Variants in TTYH1 observed in about 807,000 individuals in gnomAD.
TTYH1 encodes tweety family member 1.
TTYH1 carries 33 observed loss-of-function variants against 61.2 expected under a neutral mutation model. That is an observed-to-expected ratio of 0.54 (90% CI 0.41 to 0.72). TTYH1 has a LOEUF of 0.72. Among genes scored for constraint, TTYH1 ranks in the 30% least tolerant of loss-of-function variants. TTYH1 has a pLI of 0.00. For synonymous variants in TTYH1, 308 were observed against 266.4 expected (o/e 1.16, Z -1.52); for missense variants, 538 against 575.8 (o/e 0.93, Z 0.67).
chr19:54,428,085 T>TG (rs1713219059), intron 5 of TTYH1, among the ~76,000 whole-genome samples: 1 of 135,684 alleles, frequency 7.4e-6, no homozygotes, highest in East Asian at 2.2e-4. Context: ...CTAAGTTTTT[T>TG]TTTTTTTTTT....
At chr19:54,417,685 A>C (rs1361962047) in intron 1 of TTYH1, among the ~76,000 whole-genome samples, 6 of 145,010 alleles carry the variant, frequency 4.1e-5, no homozygotes, top group Non-Finnish European at 9.1e-5. Context: ...TTATACTCCC[A>C]TACACACACA....
chr19:54,420,754 G>A lies in TTYH1; in HGVS notation c.306-523G>A, dbSNP rs1460237173. On this transcript the variant is annotated intron_variant, in intron 2 of 13. Coordinates refer to ENST00000376530, the MANE Select transcript of TTYH1 (RefSeq NM_020659.4). The surrounding 1 kb of genome is among the most constrained non-coding windows in gnomAD (Gnocchi z 4.8). ...GAGCTCCAGGCTCAGCGTCCCCCCA[G>A]GAGATGGTGGCAGCTGCCCCCCTTG... 5.9e-6 allele frequency: 1 copy of A among 170,562 alleles called. No individual in the cohort carries two copies. The highest frequency in any genetic ancestry group is 2.4e-5 in the African/African-American group (1 of 41,520). 10.6% of individuals were successfully genotyped at this position (170,562 alleles called of 1,614,324 possible).
Position 54,416,691 on chromosome 19 carries a change from T to C in TTYH1, c.126+1013T>C. ...GGATGAGTGCTGTGTTCTGAGCTAT[T>C]TGGGTCACGGCTGGCACAGCCCTGA... On this transcript the variant is annotated intron_variant, in intron 1 of 13. Transcript: ENST00000376530. This position sits in a 1 kb window ranked among gnomAD's most constrained non-coding sequence, Gnocchi z 7.0. The C allele has an allele frequency of 8.1e-7, 1 of 1,230,752 alleles. No homozygotes were observed. Among genetic ancestry groups the C allele is most frequent in the Non-Finnish European group, 1.1e-6 (1 of 941,128 alleles). 76.2% of individuals were successfully genotyped at this position (1,230,752 alleles called of 1,614,324 possible). A position where few individuals can be genotyped will look rare whatever the true frequency, so the allele number is the denominator to read the frequency against.
At position 54,419,215 on chromosome 19, in the gene TTYH1, T is replaced by C; in HGVS notation, c.214T>C (p.Cys72Arg). Residue 72 changes from cysteine to arginine, a missense_variant, in exon 2 of 14, where the codon TGC becomes CGC. Coordinates refer to ENST00000376530, the MANE Select transcript of TTYH1 (RefSeq NM_020659.4). This position sits in a 1 kb window ranked among gnomAD's most constrained non-coding sequence, Gnocchi z 6.1. ...TGTCTACCTCATCCGCTTCTGCTGC[T>C]GCCGGCCCCCCGAGCCCCCCGGGTC... ...IAVYLIRFCC[C>R]RPPEPPGSKI... 1 of 1,611,336 alleles carries C rather than the reference T, an allele frequency of 6.2e-7. No individual in the cohort carries two copies. The highest frequency in any genetic ancestry group is 8.5e-7 in the Non-Finnish European group (1 of 1,179,974).
In TTYH1 at chr19:54,436,453, C is replaced by G; in HGVS notation, c.*163C>G. ...CCTCCCTGCTCTTGGCCACTGTGCT[C>G]CCATTTCTGTCCTTGGCCTTGGGAG... On this transcript the variant is annotated 3_prime_UTR_variant, in exon 14 of 14. Transcript: ENST00000376530. The surrounding 1 kb of genome is among the most constrained non-coding windows in gnomAD (Gnocchi z 4.3). 1 of 1,502,148 alleles carries G rather than the reference C, an allele frequency of 6.7e-7. No individual in the cohort carries two copies. The highest frequency in any genetic ancestry group is 9.3e-7 in the Non-Finnish European group (1 of 1,080,082). The allele number at this position is 1,502,148 out of a possible 1,614,324, so 93.1% of individuals were successfully genotyped here.
chr19:54,436,743 C>T lies in TTYH1; in HGVS notation c.*453C>T, dbSNP rs895617170. The T allele has an allele frequency of 7.1e-6, 2 of 281,606 alleles. No homozygotes were observed. Among genetic ancestry groups the T allele is most frequent in the Admixed American group, 4.6e-5 (1 of 21,554 alleles). The allele number at this position is 281,606 out of a possible 1,614,324, so 17.4% of individuals were successfully genotyped here. On this transcript the variant is annotated 3_prime_UTR_variant, in exon 14 of 14. Coordinates refer to ENST00000376530, the MANE Select transcript of TTYH1 (RefSeq NM_020659.4). The surrounding 1 kb of genome is among the most constrained non-coding windows in gnomAD (Gnocchi z 4.3). ...CAGCTGGGTCCTCCTTATTTCTCCT[C>T]TCCCTTGATTCGGCCTCCTGGCCAG...
In TTYH1 at chr19:54,415,703, G is replaced by A. The variant is rs1365191247; in HGVS notation, c.126+25G>A. The A allele has an allele frequency of 1.3e-6, 2 of 1,524,812 alleles. No individual in the cohort carries two copies. The highest frequency in any genetic ancestry group is 8.8e-7 in the Non-Finnish European group (1 of 1,141,062). The allele number at this position is 1,524,812 out of a possible 1,614,324, so 94.5% of individuals were successfully genotyped here. ...GGTGGGACCGGGCGCCAGGGCCTGG[G>A]GGCCAGGGCTGGGGGCCGGAGCTCC... On this transcript the variant is annotated intron_variant, in intron 1 of 13. Transcript: ENST00000376530. This position sits in a 1 kb window ranked among gnomAD's most constrained non-coding sequence, Gnocchi z 5.2.
rs879617005 is a variant in TTYH1, at chr19:54,429,220, G to A, written c.735-87G>A. On this transcript the variant is annotated intron_variant, in intron 5 of 13. Transcript: ENST00000376530. This position sits in a 1 kb window ranked among gnomAD's most constrained non-coding sequence, Gnocchi z 5.1. ...GGCTCCAGAGGTGGGTGGAGGTGGG[G>A]GGCGGCTGTGATGGGATTTGGGGTG... 5 of 1,239,454 alleles carry A rather than the reference G, an allele frequency of 4.0e-6. No homozygotes were observed. Among genetic ancestry groups the A allele is most frequent in the Non-Finnish European group, 5.9e-6 (5 of 845,306 alleles). The allele number at this position is 1,239,454 out of a possible 1,614,324, so 76.8% of individuals were successfully genotyped here.
rs906259358 is a variant in TTYH1 at position 54,416,525 on chromosome 19, C to G, written c.126+847C>G. 1.7e-4 allele frequency: 52 copies of G among 311,660 alleles called. No individual in the cohort carries two copies. In the Middle Eastern group the frequency reaches 3.8e-3, roughly 23 times the overall value. The allele number at this position is 311,660 out of a possible 1,614,324, so 19.3% of individuals were successfully genotyped here. On this transcript the variant is annotated intron_variant, in intron 1 of 13. Transcript: ENST00000376530. This position sits in a 1 kb window ranked among gnomAD's most constrained non-coding sequence, Gnocchi z 7.0. ...GGGGACGGGTGGGGGTGCTGGGAGT[C>G]CCGATGTGGCCCCAGGACGGGTCCT...
In TTYH1 at chr19:54,429,327, T is replaced by C. The variant is rs780905955; in HGVS notation, c.755T>C (p.Leu252Pro). 3 of 1,614,116 alleles carry C rather than the reference T, an allele frequency of 1.9e-6. No individual in the cohort carries two copies. The South Asian group carries it at 3.3e-5, about 18-fold the overall frequency. ...LVIVMTVMSL[L>P]VLVLSWGSMG... ...TCTAGGATGACAGTCATGAGTCTCC[T>C]GGTTCTCGTCCTGAGCTGGGGCTCC... Residue 252 changes from leucine to proline, a missense_variant, in exon 6 of 14, where the codon CTG becomes CCG. By Grantham distance (98) the Leu-to-Pro change is moderately conservative (BLOSUM62 -3). Around this residue, in one of 3 missense-constraint regions of TTYH1, gnomAD observed 378 missense variants for 401.2 expected, o/e 0.94. Transcript: ENST00000376530. The surrounding 1 kb of genome is among the most constrained non-coding windows in gnomAD (Gnocchi z 5.1).
At chr19:54,424,858 G>A (rs546865969) in intron 4 of TTYH1, among the ~76,000 whole-genome samples, 1 of 152,290 alleles carries the variant, frequency 6.6e-6, no homozygotes, top group South Asian at 2.1e-4. Flanking sequence ...GATTAACTGA[G>A]CACTTACTAC....
chr19:54,418,309 C>A (rs1452046027), intron 1 of TTYH1: 5 of 152,528 alleles, frequency 3.3e-5, no homozygotes, highest in African/African-American at 9.7e-5. Context: ...CTCTCCGCCT[C>A]TCTGTCCTTG....
At position 54,436,068 on chromosome 19, in the gene TTYH1, C is replaced by T. The variant is rs188969299; in HGVS notation, c.1315-23C>T. 4.8e-5 allele frequency: 78 copies of T among 1,612,384 alleles called. No individual in the cohort carries two copies. The East Asian group carries it at 8.2e-4, about 17-fold the overall frequency. ...TCCCACTCCATTCCCTCCTCTCCCC[C>T]GCTACCCCGAATCTCCTAGCAGGAA... On this transcript the variant is annotated intron_variant, in intron 12 of 13. Coordinates refer to ENST00000376530, the MANE Select transcript of TTYH1 (RefSeq NM_020659.4). This position sits in a 1 kb window ranked among gnomAD's most constrained non-coding sequence, Gnocchi z 4.3.
Position 54,422,177 on chromosome 19 carries a change from G to A in TTYH1, c.418-13G>A. On this transcript the variant is annotated splice_polypyrimidine_tract_variant and intron_variant, in intron 3 of 13. Coordinates refer to ENST00000376530, the MANE Select transcript of TTYH1 (RefSeq NM_020659.4). Reference sequence around the variant, plus strand: ...GATGTCCTTCCAGACCTCAGCCCCTGTCCTATCCCCAGGTGTTGGAGACGG... The same window carrying A: ...GATGTCCTTCCAGACCTCAGCCCCTATCCTATCCCCAGGTGTTGGAGACGG... 1 of 1,549,204 alleles carries A rather than the reference G, an allele frequency of 6.5e-7. No homozygotes were observed. The highest frequency in any genetic ancestry group is 8.7e-7 in the Non-Finnish European group (1 of 1,145,404).
chr19:54,429,716 G>C lies in TTYH1; in HGVS notation c.808-166G>C, dbSNP rs1169925521. On this transcript the variant is annotated intron_variant, in intron 6 of 13. Transcript: ENST00000376530. This position sits in a 1 kb window ranked among gnomAD's most constrained non-coding sequence, Gnocchi z 5.1. ...CTGGAGAGTCTGAACCCCTGAGTCT[G>C]AGGGACGAGGGGCCTGGGGCCTGGA... 6.6e-6 allele frequency among the ~76,000 whole-genome samples: 1 copy of C among 151,510 alleles called. No individual in the cohort carries two copies.
Position 54,436,655 on chromosome 19 carries a change from CAA to C in TTYH1, c.*366_*367del. ...CCAGTGGGCTCTGACCCCCTGATCT[CAA>C]CTCGTGGCACTAACTTGGAAAAGGG... On this transcript the variant is annotated 3_prime_UTR_variant, in exon 14 of 14. Transcript: ENST00000376530. The surrounding 1 kb of genome is among the most constrained non-coding windows in gnomAD (Gnocchi z 4.3). 1.9e-6 allele frequency: 1 copy of C among 525,078 alleles called. No homozygotes were observed. The highest frequency in any genetic ancestry group is 3.4e-6 in the Non-Finnish European group (1 of 293,632). The allele number at this position is 525,078 out of a possible 1,614,324, so 32.5% of individuals were successfully genotyped here. A position where few individuals can be genotyped will look rare whatever the true frequency, so the allele number is the denominator to read the frequency against.
At chr19:54,417,355 TGC>T (rs907053431) in intron 1 of TTYH1, among the ~76,000 whole-genome samples, 1 of 149,728 alleles carries the variant, frequency 6.7e-6, no homozygotes, top group Non-Finnish European at 1.5e-5. Flanking sequence ...ATTACACACA[TGC>T]ACACACACAT....
Position 54,429,276 on chromosome 19 carries a change from C to G in TTYH1, c.735-31C>G, listed in dbSNP as rs2083386012. 1.2e-6 allele frequency: 2 copies of G among 1,607,608 alleles called. No homozygotes were observed. ...AGAGGCTAGGCTAGGAGATTAAGAA[C>G]CCCGGGCTGATCCTCCCTCCCCCAC... On this transcript the variant is annotated intron_variant, in intron 5 of 13. Transcript: ENST00000376530. The surrounding 1 kb of genome is among the most constrained non-coding windows in gnomAD (Gnocchi z 5.1).
In TTYH1 at chr19:54,415,915, C is replaced by T; in HGVS notation, c.126+237C>T. On this transcript the variant is annotated intron_variant, in intron 1 of 13. Transcript: ENST00000376530. The surrounding 1 kb of genome is among the most constrained non-coding windows in gnomAD (Gnocchi z 5.2). The stretch of plus-strand genomic sequence containing the variant: ...CTCTAAATAAGGGAAGGCTGGGGAC[C>T]TGCACCCCTGAGTTCATGGAGAGGA... The T allele has an allele frequency of 1.2e-6, 1 of 823,760 alleles. No homozygotes were observed. Among genetic ancestry groups the T allele is most frequent in the Non-Finnish European group, 1.9e-6 (1 of 538,712 alleles). 51.0% of individuals were successfully genotyped at this position (823,760 alleles called of 1,614,324 possible).
Sources: allele counts gnomAD v4.1 joint callset (sites outside exome capture counted in the v4.1 genomes callset), GRCh38; gene constraint gnomAD v4.1.1; regional missense constraint gnomAD v4.1.1; non-coding constraint Gnocchi (gnomAD v3.1); transcripts MANE v1.5; gene names NCBI Gene and HGNC (gene_info 2026-07-23, HGNC 2026-07-21).